Variants in CDK17 observed in about 807,000 individuals in gnomAD.
The protein encoded by CDK17 is cyclin-dependent kinase 17.
CDK17 carries 24 observed loss-of-function variants against 77.6 expected under a neutral mutation model. That is an observed-to-expected ratio of 0.31 (90% CI 0.22 to 0.44). The LOEUF is 0.44. CDK17 is among the 20% of genes least tolerant of loss of function. The pLI is 1.00. For synonymous variants in CDK17, 203 were observed against 210.4 expected, an observed-to-expected ratio of 0.96 and a Z score of 0.30; for missense variants, 429 against 622.5, an observed-to-expected ratio of 0.69 and a Z score of 3.31.
At chr12:96,330,070 C>T (rs909065867) in intron 2 of CDK17, among the ~76,000 whole-genome samples, 1 of 152,190 alleles carries the variant, frequency 6.6e-6, no homozygotes, top group Non-Finnish European at 1.5e-5. Context: ...AGTATATGTG[C>T]AATAAAACAT....
intron 2 of CDK17, among the ~76,000 whole-genome samples, chr12:96,329,556 T>C (rs1425924317): frequency 6.6e-6 from 1 of 152,198 alleles, no homozygotes; most frequent in African/African-American, 2.4e-5. Context: ...CCAAACCTGC[T>C]CTTTCAAACA....
intron 5 of CDK17, 50 bp from the exon 6 acceptor site, chr12:96,300,410 T>C: frequency 8.7e-7 from 1 of 1,142,968 alleles, no homozygotes; most frequent in Non-Finnish European, 1.3e-6. Flanking sequence ...TTTTTTTTTT[T>C]TGAGACAGCA....
At chr12:96,397,327 G>C (rs889707209) in intron 1 of CDK17, among the ~76,000 whole-genome samples, 4 of 151,720 alleles carry the variant, frequency 2.6e-5, no homozygotes, top group African/African-American at 9.7e-5. Flanking sequence ...ACTTATTAGA[G>C]ACTACTGGTA....
chr12:96,363,758 G>A (rs1248200514), intron 1 of CDK17, among the ~76,000 whole-genome samples: 3 of 152,142 alleles, frequency 2.0e-5, no homozygotes, highest in South Asian at 2.1e-4. Context: ...GCTGAGGCAG[G>A]AGAACTGCCT....
At chr12:96,311,294 T>C in intron 4 of CDK17, 117 bp from the exon 5 acceptor site, 1 of 818,150 alleles carries the variant, frequency 1.2e-6, no homozygotes, top group South Asian at 2.5e-5. Flanking sequence ...TTATTGCAGT[T>C]GCAAAGTTAC....
intron 5 of CDK17, among the ~76,000 whole-genome samples, chr12:96,308,252 A>AAAAAAAAAAG (rs750453479): frequency 3.5e-5 from 5 of 143,568 alleles, no homozygotes; most frequent in Admixed American, 2.2e-4. Flanking sequence ...AAAAAAAAAA[A>AAAAAAAAAAG]GTTTTTTAAT....
intron 1 of CDK17, among the ~76,000 whole-genome samples, chr12:96,399,669 G>T (rs890423552): frequency 6.6e-6 from 1 of 152,152 alleles, no homozygotes; most frequent in African/African-American, 2.4e-5. Context: ...CTCCCCCGCA[G>T]ACCAAAGCGG....
rs1016943134 is a variant in CDK17 at position 96,294,989 on chromosome 12, C to T, written c.997+10G>A. ...TGGAAGTACTAATAAATATCTCATA[C>T]ATTCCATACCAAAATCTGCTAGCTT... On this transcript the variant is annotated intron_variant, in intron 10 of 16. Transcript: ENST00000261211. The T allele has an allele frequency of 6.2e-7, 1 of 1,602,504 alleles. No individual in the cohort carries two copies. The highest frequency in any genetic ancestry group is 2.2e-5 in the East Asian group (1 of 44,676).
At chr12:96,339,607 C>CA (rs994072632) in intron 1 of CDK17, among the ~76,000 whole-genome samples, 4 of 150,868 alleles carry the variant, frequency 2.7e-5, no homozygotes, top group Non-Finnish European at 4.4e-5. Flanking sequence ...TATCCCTCAC[C>CA]AAAAAAAAGT....
chr12:96,367,105 G>A (rs1953597965), intron 1 of CDK17, among the ~76,000 whole-genome samples: 1 of 151,980 alleles, frequency 6.6e-6, no homozygotes, highest in Non-Finnish European at 1.5e-5. Flanking sequence ...AGCACTTTGG[G>A]AGGCCGAGGC....
intron 11 of CDK17, among the ~76,000 whole-genome samples, 185 bp from the exon 12 acceptor site, chr12:96,286,946 C>T (rs915736174): frequency 2.0e-5 from 3 of 152,170 alleles, no homozygotes; most frequent in Non-Finnish European, 2.9e-5. Context: ...TTCTATATTG[C>T]TATATCCATT....
intron 10 of CDK17, among the ~76,000 whole-genome samples, chr12:96,291,126 A>G (rs972202080): frequency 6.7e-6 from 1 of 148,408 alleles, no homozygotes; most frequent in Non-Finnish European, 1.5e-5. Context: ...TGCAACCAAA[A>G]AAAAAAAAAA....
At chr12:96,343,312 A>G (rs1317652459) in intron 1 of CDK17, among the ~76,000 whole-genome samples, 5 of 152,240 alleles carry the variant, frequency 3.3e-5, no homozygotes, top group Admixed American at 1.3e-4. Context: ...GCAAACCAGT[A>G]GCTACCATTC....
chr12:96,324,058 A>G lies in CDK17; in HGVS notation c.173T>C (p.Leu58Pro). The G allele has an allele frequency of 6.2e-7, 1 of 1,611,120 alleles. No individual in the cohort carries two copies. Among genetic ancestry groups the G allele is most frequent in the Non-Finnish European group, 8.5e-7 (1 of 1,178,626 alleles). ...CTTGAAAGATCCTGTGTACTGGTGG[A>G]GGAAGGAATGCATACTGTGAGACGT... ...PPTSHSMHSFLHQYTGSFKKP... is the reference protein window; with the variant it reads ...PPTSHSMHSFPHQYTGSFKKP... The change falls in exon 3 of 17, where the codon CTC (leucine) becomes CCC (proline). Residue 58 changes from leucine to proline, a missense_variant. By Grantham distance (98) the Leu-to-Pro change is moderately conservative. Coordinates refer to ENST00000261211, the MANE Select transcript of CDK17 (RefSeq NM_002595.5).
chr12:96,296,915 G>T (rs895948132), intron 9 of CDK17, among the ~76,000 whole-genome samples: 2 of 152,092 alleles, frequency 1.3e-5, no homozygotes, highest in Admixed American at 1.3e-4. Flanking sequence ...TTTATTTGGG[G>T]AGTTCACTAT....
intron 3 of CDK17, among the ~76,000 whole-genome samples, chr12:96,316,587 C>T (rs1472470823): frequency 6.9e-6 from 1 of 144,110 alleles, no homozygotes; most frequent in African/African-American, 2.6e-5. Flanking sequence ...CAGTGGTTCT[C>T]CCAGCACGCA....
intron 5 of CDK17, among the ~76,000 whole-genome samples, chr12:96,303,976 ATAAAGT>A (rs1565811115): frequency 1.3e-5 from 2 of 152,222 alleles, no homozygotes; most frequent in Non-Finnish European, 1.5e-5. Flanking sequence ...CACTCCTAAG[ATAAAGT>A]TTAATTTATA....
chr12:96,349,081 A>C (rs1031817824), intron 1 of CDK17, among the ~76,000 whole-genome samples: 3 of 152,254 alleles, frequency 2.0e-5, no homozygotes, highest in Non-Finnish European at 4.4e-5. Flanking sequence ...TCGGCAGCTT[A>C]TTAAAAAGAT....
At chr12:96,370,023 G>C (rs182837914) in intron 1 of CDK17, among the ~76,000 whole-genome samples, 1 of 152,138 alleles carries the variant, frequency 6.6e-6, no homozygotes. Context: ...AAGAAGCCGC[G>C]AGTGTAAGAG....
Sources: allele counts gnomAD v4.1 joint callset (sites outside exome capture counted in the v4.1 genomes callset), GRCh38; gene constraint gnomAD v4.1.1; transcripts MANE v1.5; gene names NCBI Gene and HGNC (gene_info 2026-07-23, HGNC 2026-07-21).